Variants in PHACTR4 observed in about 807,000 individuals in gnomAD.
The protein encoded by PHACTR4 is phosphatase and actin regulator 4.
PHACTR4 carries 51 observed loss-of-function variants against 72.7 expected under a neutral mutation model. The ratio of observed to expected loss-of-function variants is 0.70; its 90% CI spans 0.56 to 0.89. PHACTR4 has a LOEUF of 0.89. Among genes scored for constraint, PHACTR4 ranks in the 40% least tolerant of loss-of-function variants. PHACTR4 has a pLI of 0.00. For missense variants in PHACTR4, 731 were observed against 861.8 expected, an observed-to-expected ratio of 0.85 and a Z score of 1.90; for synonymous variants, 255 against 302.5, an observed-to-expected ratio of 0.84 and a Z score of 1.63.
chr1:28,476,429 C>A, intron 8 of PHACTR4, 138 bp downstream of exon 8: 1 of 835,864 alleles, frequency 1.2e-6, no homozygotes. Context: ...TGTTGGAAGC[C>A]ACTGTGAAGG....
chr1:28,489,305 A>G, intron 10 of PHACTR4, 80 bp downstream of exon 10: 44 of 1,236,408 alleles, frequency 3.6e-5, no homozygotes, highest in Non-Finnish European at 5.1e-5. Context: ...AGAAAAAAGA[A>G]GCGTTTGCTA....
At chr1:28,491,508 TG>T in intron 11 of PHACTR4, 141 bp from the exon 12 acceptor site, 1 of 1,094,522 alleles carries the variant, frequency 9.1e-7, no homozygotes. Context: ...TCACTGGGGG[TG>T]GGACCTCCAG....
chr1:28,465,927 G>A, intron 5 of PHACTR4, 78 bp downstream of exon 5: 3 of 1,385,154 alleles, frequency 2.2e-6, no homozygotes, highest in Non-Finnish European at 2.9e-6. Context: ...CAAGAGAACA[G>A]GGAAAAGTGA....
chr1:28,489,286 A>G (rs1305140964), intron 10 of PHACTR4, 61 bp downstream of exon 10: 3 of 1,426,936 alleles, frequency 2.1e-6, no homozygotes, highest in South Asian at 2.5e-5. Flanking sequence ...TGACTTTAAT[A>G]TACATAAAAG....
At chr1:28,487,861 G>A (rs1326468273) in intron 9 of PHACTR4, among the ~76,000 whole-genome samples, 4 of 145,608 alleles carry the variant, frequency 2.7e-5, no homozygotes, top group African/African-American at 5.0e-5. Context: ...TCAGCCTCCC[G>A]AGTAGCTGGG....
intron 6 of PHACTR4, 73 bp downstream of exon 6, chr1:28,466,841 G>A (rs1659211474): frequency 6.6e-7 from 1 of 1,508,148 alleles, no homozygotes; most frequent in Non-Finnish European, 9.0e-7. Flanking sequence ...TTGATAACTG[G>A]TACAACATTG....
chr1:28,432,217 A>G (rs1656315901), intron 2 of PHACTR4, among the ~76,000 whole-genome samples: 1 of 152,006 alleles, frequency 6.6e-6, no homozygotes, highest in South Asian at 2.1e-4. Flanking sequence ...TCAAAAAAAA[A>G]AGAATATCTT....
intron 1 of PHACTR4, among the ~76,000 whole-genome samples, chr1:28,397,660 G>A (rs767752689): frequency 2.0e-4 from 30 of 151,614 alleles, no homozygotes; most frequent in Admixed American, 5.9e-4. Flanking sequence ...ATGAAACAAG[G>A]AATGAAGCTA....
At chr1:28,454,561 G>A (rs985788624) in intron 2 of PHACTR4, among the ~76,000 whole-genome samples, 3 of 151,982 alleles carry the variant, frequency 2.0e-5, no homozygotes, top group African/African-American at 4.8e-5. Context: ...GCCGCGCCCG[G>A]CCATCACTTT....
At chr1:28,457,317 A>G (rs1303226225) in intron 2 of PHACTR4, 1 of 450,038 alleles carries the variant, frequency 2.2e-6, no homozygotes, top group Non-Finnish European at 4.5e-6. Flanking sequence ...GAGAGAGGCC[A>G]GGTGTGGTGG....
intron 3 of PHACTR4, 91 bp downstream of exon 3, chr1:28,459,349 G>T: frequency 7.0e-6 from 7 of 993,792 alleles, no homozygotes; most frequent in Non-Finnish European, 1.0e-5. Context: ...AGTTTCTGTA[G>T]TCCTCTATTT....
chr1:28,491,023 C>G lies in PHACTR4; in HGVS notation c.1878+11C>G, dbSNP rs1267948648. The G allele has an allele frequency of 2.5e-6, 4 of 1,609,972 alleles. No individual in the cohort carries two copies. The highest frequency in any genetic ancestry group is 3.4e-6 in the Non-Finnish European group (4 of 1,176,686). Reference sequence around the variant, plus strand: ...CGGCTCACTAGAAAGGTACTACTGCCTGTGTGTTCAGTTAACTATATGTGT... The same window carrying G: ...CGGCTCACTAGAAAGGTACTACTGCGTGTGTGTTCAGTTAACTATATGTGT... On this transcript the variant is annotated intron_variant, in intron 11 of 13. Coordinates refer to ENST00000373839, the MANE Select transcript of PHACTR4 (RefSeq NM_001048183.3).
At chr1:28,389,943 AG>A (rs1306377728) in intron 1 of PHACTR4, among the ~76,000 whole-genome samples, 3 of 152,218 alleles carry the variant, frequency 2.0e-5, no homozygotes, top group Non-Finnish European at 4.4e-5. Flanking sequence ...TATTCACAAG[AG>A]CCAAGATACA....
intron 13 of PHACTR4, among the ~76,000 whole-genome samples, chr1:28,494,814 G>C (rs1015135004): frequency 2.0e-5 from 3 of 152,316 alleles, no homozygotes; most frequent in Non-Finnish European, 4.4e-5. Context: ...TGCTTTGACT[G>C]TTATGCTAGG....
intron 2 of PHACTR4, among the ~76,000 whole-genome samples, chr1:28,449,712 C>T (rs568438235): frequency 9.2e-5 from 14 of 151,854 alleles, no homozygotes; most frequent in African/African-American, 3.4e-4. Flanking sequence ...GTTAGCCAGG[C>T]GTGGTGGTGG....
At chr1:28,479,945 G>C (rs1660178595) in intron 8 of PHACTR4, among the ~76,000 whole-genome samples, 1 of 152,132 alleles carries the variant, frequency 6.6e-6, no homozygotes, top group South Asian at 2.1e-4. Flanking sequence ...TAGAGGAAAG[G>C]TGGCACATGG....
intron 2 of PHACTR4, among the ~76,000 whole-genome samples, chr1:28,420,960 A>G (rs1174685942): frequency 6.6e-6 from 1 of 152,112 alleles, no homozygotes; most frequent in Non-Finnish European, 1.5e-5. Context: ...AAGTTAACAA[A>G]CTCCCCTTTT....
chr1:28,409,217 C>G (rs976797449), intron 2 of PHACTR4, among the ~76,000 whole-genome samples: 3 of 150,846 alleles, frequency 2.0e-5, no homozygotes, highest in Non-Finnish European at 2.9e-5. Flanking sequence ...CATGCTACAT[C>G]CTTGAACTCC....
intron 6 of PHACTR4, 131 bp downstream of exon 6, chr1:28,466,899 A>C: frequency 1.0e-4 from 139 of 1,324,348 alleles, no homozygotes; most frequent in Non-Finnish European, 1.3e-4. Flanking sequence ...GAATGACCTC[A>C]ATATGGAGAA....
Sources: allele counts gnomAD v4.1 joint callset (sites outside exome capture counted in the v4.1 genomes callset), GRCh38; gene constraint gnomAD v4.1.1; transcripts MANE v1.5; gene names NCBI Gene and HGNC (gene_info 2026-07-23, HGNC 2026-07-21).